Variants in DLG2 observed in about 807,000 individuals in gnomAD.
The protein encoded by DLG2 is discs large MAGUK scaffold protein 2.
Under a neutral mutation model 132.5 loss-of-function variants are expected in DLG2, and 45 were observed. The observed-to-expected ratio is 0.34, with a 90% CI of 0.27 to 0.44. DLG2 has a LOEUF of 0.44. Ranked by LOEUF, DLG2 falls within the 20% of genes least tolerant of loss-of-function variation. The probability of loss-of-function intolerance (pLI) is 1.00; values close to 1 mark genes in which losing one functional copy is unlikely to be tolerated. For synonymous variants in DLG2, 424 were observed against 419.6 expected (o/e 1.01, Z -0.13); for missense variants, 1,045 against 1,196.9 (o/e 0.87, Z 1.87).
At chr11:83,666,777 C>A (rs2075676264) in intron 18 of DLG2, among the ~76,000 whole-genome samples, 1 of 152,162 alleles carries the variant, frequency 6.6e-6, no homozygotes, top group Non-Finnish European at 1.5e-5. Context: ...AGAGAGGTCC[C>A]ATGACTTGCC....
rs191125985 is a variant in DLG2, at chr11:84,959,346, A to G, written c.357+152315T>C. Among the ~76,000 whole-genome samples the G allele has an allele frequency of 9.6e-4, 147 of 152,360 alleles. 1 individual carries two copies. The highest frequency in any genetic ancestry group is 3.3e-3 in the African/African-American group (138 of 41,592). On this transcript the variant is annotated intron_variant, in intron 6 of 27. Transcript: ENST00000376104. Reference sequence around the variant, plus strand: ...TAATAATTACTTAATGCTCAACTCTATGATGAATGTTCTAGGGGCTCAGGA... The same window carrying G: ...TAATAATTACTTAATGCTCAACTCTGTGATGAATGTTCTAGGGGCTCAGGA...
chr11:83,626,364 A>G (rs2062530742), intron 19 of DLG2, among the ~76,000 whole-genome samples: 1 of 152,184 alleles, frequency 6.6e-6, no homozygotes, highest in South Asian at 2.1e-4. Flanking sequence ...GAGAAACTTG[A>G]GGAAAGGGGT....
At chr11:84,737,984 T>A (rs1418054425) in intron 6 of DLG2, among the ~76,000 whole-genome samples, 2 of 152,106 alleles carry the variant, frequency 1.3e-5, no homozygotes, top group African/African-American at 4.8e-5. Context: ...TTTTATTTGT[T>A]TGTTTTGCTT....
intron 12 of DLG2, among the ~76,000 whole-genome samples, chr11:83,972,811 C>T (rs35024645): frequency 0.044 from 6,617 of 152,068 alleles, 200 homozygotes; most frequent in Non-Finnish European, 0.067. Context: ...TATTGGATAC[C>T]CACTCTGTGC....
At chr11:85,250,926 TA>T (rs2076367425) in intron 4 of DLG2, among the ~76,000 whole-genome samples, 1 of 152,192 alleles carries the variant, frequency 6.6e-6, no homozygotes, top group African/African-American at 2.4e-5. Context: ...TCTCCTCCAT[TA>T]TATTTTCCTT....
intron 3 of DLG2, among the ~76,000 whole-genome samples, chr11:85,294,938 T>C (rs1431280640): frequency 6.6e-6 from 1 of 152,158 alleles, no homozygotes; most frequent in East Asian, 1.9e-4. Flanking sequence ...TCTTTAAAAA[T>C]ACGACCTCTA....
chr11:84,821,285 T>C (rs974239036), intron 6 of DLG2, among the ~76,000 whole-genome samples: 2 of 151,764 alleles, frequency 1.3e-5, no homozygotes, highest in Admixed American at 6.6e-5. Context: ...ACTCTGATCA[T>C]GATCTGTACT....
intron 6 of DLG2, among the ~76,000 whole-genome samples, chr11:85,067,548 T>G (rs1453238456): frequency 6.6e-6 from 1 of 151,710 alleles, no homozygotes; most frequent in Non-Finnish European, 1.5e-5. Flanking sequence ...TGTTGTGTCT[T>G]TGTTCTCATT....
At chr11:84,836,840 T>C (rs1411078254) in intron 6 of DLG2, among the ~76,000 whole-genome samples, 1 of 151,374 alleles carries the variant, frequency 6.6e-6, no homozygotes, top group Non-Finnish European at 1.5e-5. Flanking sequence ...GATTAATTTA[T>C]ACCCAGTGTC....
rs1293518979 is a variant in DLG2 at position 83,700,362 on chromosome 11, T to C, written c.1826-67037A>G. 2.0e-5 allele frequency among the ~76,000 whole-genome samples: 3 copies of C among 152,156 alleles called. No homozygotes were observed. In the East Asian group the frequency reaches 5.8e-4, roughly 29 times the overall value. ...AGGAGGCTGACTGCTGGGGCTTTCA[T>C]TGAGACTTAAGGAGCAAAGAGGCTA... is the stretch of plus-strand genomic sequence containing the variant. On this transcript the variant is annotated intron_variant, in intron 18 of 27. Transcript: ENST00000376104.
At chr11:84,988,272 C>T (rs1044685040) in intron 6 of DLG2, among the ~76,000 whole-genome samples, 2 of 152,154 alleles carry the variant, frequency 1.3e-5, no homozygotes, top group African/African-American at 4.8e-5. Context: ...ACAGGGAACA[C>T]TTCTACACTT....
intron 3 of DLG2, among the ~76,000 whole-genome samples, chr11:85,328,781 C>T (rs376853358): frequency 6.9e-6 from 1 of 144,814 alleles, no homozygotes; most frequent in Admixed American, 7.0e-5. Context: ...CCAGGGCAAT[C>T]AGGCAGGAGA....
At chr11:84,131,677 T>A in intron 9 of DLG2, among the ~76,000 whole-genome samples, 1 of 151,796 alleles carries the variant, frequency 6.6e-6, no homozygotes, top group Non-Finnish European at 1.5e-5. Flanking sequence ...CAATGGGCCT[T>A]ATATGCAAAG....
intron 7 of DLG2, among the ~76,000 whole-genome samples, chr11:84,459,087 T>A (rs947515875): frequency 2.0e-5 from 3 of 150,718 alleles, no homozygotes; most frequent in African/African-American, 7.3e-5. Context: ...ACTACTCTTT[T>A]TTTTTGCTAA....
chr11:83,704,123 T>C (rs2083451455), intron 18 of DLG2, among the ~76,000 whole-genome samples: 1 of 152,144 alleles, frequency 6.6e-6, no homozygotes, highest in Non-Finnish European at 1.5e-5. Context: ...AAAATCCCAA[T>C]AAAATATCCT....
chr11:85,426,093 G>T (rs1696339947), intron 3 of DLG2, among the ~76,000 whole-genome samples: 1 of 152,230 alleles, frequency 6.6e-6, no homozygotes, highest in Non-Finnish European at 1.5e-5. Context: ...CTGAGGGAGG[G>T]GCGCCCGCCA....
intron 9 of DLG2, among the ~76,000 whole-genome samples, chr11:84,131,289 G>A (rs1282190826): frequency 6.6e-6 from 1 of 151,908 alleles, no homozygotes; most frequent in Non-Finnish European, 1.5e-5. Flanking sequence ...GATTATTGAC[G>A]CCTAAGATAA....
chr11:85,222,755 C>CT (rs2074732817), intron 4 of DLG2, among the ~76,000 whole-genome samples: 1 of 152,140 alleles, frequency 6.6e-6, no homozygotes, highest in African/African-American at 2.4e-5. Context: ...ATATGGATTC[C>CT]TTGCTGAATT....
At position 83,717,065 on chromosome 11, in the gene DLG2, G is replaced by A. The variant is rs150543169; in HGVS notation, c.1825+69625C>T. On this transcript the variant is annotated intron_variant, in intron 18 of 27. Coordinates refer to ENST00000376104, the MANE Select transcript of DLG2 (RefSeq NM_001142699.3). ...TAGTACCCTCCACCTCCCCACTCCT[G>A]ATTGTACTAATGTTATACTCTACTT... is the stretch of plus-strand genomic sequence containing the variant. Among the ~76,000 whole-genome samples the A allele has an allele frequency of 2.4e-3, 367 of 152,226 alleles. 2 individuals are homozygous for A. The highest frequency in any genetic ancestry group is 8.7e-3 in the African/African-American group (361 of 41,552).
Sources: allele counts gnomAD v4.1 joint callset (sites outside exome capture counted in the v4.1 genomes callset), GRCh38; gene constraint gnomAD v4.1.1; transcripts MANE v1.5; gene names NCBI Gene and HGNC (gene_info 2026-07-23, HGNC 2026-07-21).